Variants in INSL6 observed in about 807,000 individuals in gnomAD.
The protein encoded by INSL6 is insulin-like peptide INSL6.
A neutral mutation model predicts 9.4 loss-of-function variants in INSL6; 16 were observed. The observed-to-expected ratio is 1.70, with a 90% CI of 1.15 to 2.59. The LOEUF (loss-of-function observed/expected upper bound fraction) is 2.59. INSL6 is among the 30% of genes most tolerant of loss of function. INSL6 has a pLI of 0.00. For synonymous variants in INSL6, 154 were observed against 96.9 expected, an observed-to-expected ratio of 1.59 and a Z score of -3.46; for missense variants, 391 against 257.3, an observed-to-expected ratio of 1.52 and a Z score of -3.56.
At chr9:5,138,688 A>C (rs2130885082) in intron 2 of INSL6, among the ~76,000 whole-genome samples, 1 of 151,840 alleles carries the variant, frequency 6.6e-6, no homozygotes, top group Non-Finnish European at 1.5e-5. Flanking sequence ...ATGTTAACAA[A>C]CCTGCACTTT....
chr9:5,087,129 G>T, the INSL6 span, among the ~76,000 whole-genome samples: 2 of 152,132 alleles, frequency 1.3e-5, no homozygotes, highest in East Asian at 1.9e-4. Context: ...GTATTAGTCT[G>T]TTCTCACGCT....
At chr9:5,117,223 A>G in the INSL6 span, among the ~76,000 whole-genome samples, 2 of 152,344 alleles carry the variant, frequency 1.3e-5, no homozygotes, top group Admixed American at 1.3e-4. Flanking sequence ...TGTTCTTTAT[A>G]AATTATCCAT....
the INSL6 span, chr9:5,111,965 C>T: frequency 5.7e-6 from 2 of 350,354 alleles, no homozygotes; most frequent in East Asian, 8.1e-5. Flanking sequence ...CCAGCCCCTC[C>T]ACCGCCGTGG....
chr9:5,023,335 T>G, the INSL6 span, among the ~76,000 whole-genome samples: 1 of 152,186 alleles, frequency 6.6e-6, no homozygotes, highest in African/African-American at 2.4e-5. Flanking sequence ...AATGACATGA[T>G]TACATTCTTT....
At chr9:4,992,676 A>G in the INSL6 span, among the ~76,000 whole-genome samples, 1 of 152,160 alleles carries the variant, frequency 6.6e-6, no homozygotes, top group African/African-American at 2.4e-5. Flanking sequence ...TTTCTTGGGT[A>G]TGGTTAATTG....
chr9:5,054,617 T>G, the INSL6 span: 1 of 1,612,402 alleles, frequency 6.2e-7, no homozygotes, highest in Admixed American at 1.7e-5. The surrounding 1 kb of genome is among the most constrained non-coding windows in gnomAD (Gnocchi z 4.9). Flanking sequence ...ACTATCATAT[T>G]TTGACAAGGA....
the INSL6 span, chr9:5,110,962 A>T: frequency 3.3e-6 from 2 of 601,348 alleles, no homozygotes; most frequent in Non-Finnish European, 6.2e-6. Context: ...CAAGGAGCTC[A>T]GTAACCTGGA....
the INSL6 span, among the ~76,000 whole-genome samples, chr9:5,036,185 C>G: frequency 6.6e-6 from 1 of 152,146 alleles, no homozygotes; most frequent in African/African-American, 2.4e-5. Context: ...TGAAGGACCT[C>G]TTCAAGGAGA....
the INSL6 span, among the ~76,000 whole-genome samples, chr9:5,045,580 C>G: frequency 6.6e-6 from 1 of 152,156 alleles, no homozygotes; most frequent in Admixed American, 6.5e-5. Flanking sequence ...GTATTTCCCA[C>G]TCCCAATGGC....
the INSL6 span, among the ~76,000 whole-genome samples, chr9:5,079,643 A>T: frequency 5.8e-4 from 86 of 148,292 alleles, no homozygotes; most frequent in African/African-American, 1.9e-3. Context: ...TAAACTATAT[A>T]AAAAAAAAAG....
chr9:5,043,795 C>G, the INSL6 span, among the ~76,000 whole-genome samples: 4 of 152,172 alleles, frequency 2.6e-5, no homozygotes, highest in Non-Finnish European at 4.4e-5. Flanking sequence ...GATACATGCT[C>G]TAATGTGGAT....
the INSL6 span, chr9:5,100,610 A>C: frequency 6.6e-6 from 1 of 152,254 alleles, no homozygotes; most frequent in African/African-American, 2.4e-5. Flanking sequence ...TTTCCCCTCA[A>C]ACGCTTAGAA....
the INSL6 span, chr9:5,114,599 G>T: frequency 2.0e-6 from 1 of 490,088 alleles, no homozygotes; most frequent in Admixed American, 2.3e-5. Flanking sequence ...TGGTGCAGTG[G>T]CTGTACAACG....
At chr9:5,016,658 A>G in the INSL6 span, among the ~76,000 whole-genome samples, 2 of 152,176 alleles carry the variant, frequency 1.3e-5, no homozygotes, top group East Asian at 1.9e-4. Flanking sequence ...GTTAACCACT[A>G]CTTAGATCAA....
At chr9:5,053,033 C>T in the INSL6 span, among the ~76,000 whole-genome samples, 1 of 151,966 alleles carries the variant, frequency 6.6e-6, no homozygotes, top group African/African-American at 2.4e-5. Context: ...ATTCCTGGAA[C>T]ATATGGTAAC....
At chr9:5,171,026 A>C (rs1825169755) in intron 1 of INSL6, among the ~76,000 whole-genome samples, 1 of 152,158 alleles carries the variant, frequency 6.6e-6, no homozygotes, top group Non-Finnish European at 1.5e-5. Context: ...AACCTGACAG[A>C]TACAACAACA....
In INSL6 at chr9:5,131,435, A is replaced by ATTTTTTTTTTTT. The variant is rs550915336; in HGVS notation, c.*10+1978_*10+1989dup. On this transcript the variant is annotated intron_variant, in intron 3 of 3. Transcript: ENST00000649639. ...AATTCTTTAACACCACCAGTTAACA[A>ATTTTTTTTTTTT]TTTTTTTTTTTTTTTTTTTGAGACA... 1.3e-3 allele frequency among the ~76,000 whole-genome samples: 155 copies of ATTTTTTTTTTTT among 115,824 alleles called. 12 individuals are homozygous for ATTTTTTTTTTTT. Among genetic ancestry groups the ATTTTTTTTTTTT allele is most frequent in the African/African-American group, 5.8e-3 (144 of 24,946 alleles). 76.0% of individuals were successfully genotyped at this position (115,824 alleles called of 152,430 possible).
chr9:5,130,398 T>C (rs1448491762), intron 3 of INSL6, among the ~76,000 whole-genome samples: 1 of 152,054 alleles, frequency 6.6e-6, no homozygotes, highest in African/African-American at 2.4e-5. Flanking sequence ...AAATAACAGA[T>C]AGATCAAGGT....
intron 3 of INSL6, among the ~76,000 whole-genome samples, chr9:5,129,051 G>GTTCT (rs963584757): frequency 2.0e-5 from 3 of 151,940 alleles, no homozygotes; most frequent in African/African-American, 7.2e-5. Context: ...ATGGAAGAGT[G>GTTCT]TTCTTTTAAC....
Sources: allele counts gnomAD v4.1 joint callset (sites outside exome capture counted in the v4.1 genomes callset), GRCh38; gene constraint gnomAD v4.1.1; non-coding constraint Gnocchi (gnomAD v3.1); transcripts MANE v1.5; gene names NCBI Gene and HGNC (gene_info 2026-07-23, HGNC 2026-07-21).